ANKS1B: variants seen among roughly 807,000 people sequenced by gnomAD.
ANKS1B encodes ankyrin repeat and sterile alpha motif domain-containing protein 1B.
In ANKS1B, 36 loss-of-function variants were observed where a neutral mutation model predicts 148.3. The observed-to-expected ratio is 0.24, with a 90% CI of 0.19 to 0.32. The LOEUF is 0.32. Ranked by LOEUF, ANKS1B falls within the 10% of genes least tolerant of loss-of-function variation. The pLI is 1.00. For missense variants in ANKS1B, 1,157 were observed against 1,542.6 expected, an observed-to-expected ratio of 0.75 and a Z score of 4.19; for synonymous variants, 542 against 560.8, an observed-to-expected ratio of 0.97 and a Z score of 0.47.
At chr12:99,517,925 T>A (rs574251626) in intron 9 of ANKS1B, among the ~76,000 whole-genome samples, 2 of 152,292 alleles carry the variant, frequency 1.3e-5, no homozygotes, top group South Asian at 2.1e-4. Flanking sequence ...TTTTCTGTGA[T>A]GAAAGGATGT....
rs552027239 is a variant in ANKS1B, at chr12:99,803,931, A to T, written c.669+2473T>A. ...TCATGGATGGGAGTTATTCTTGCAA[A>T]TTTTTTGTCTCCTCCACTAAGCGTG... On this transcript the variant is annotated intron_variant, in intron 4 of 26. Coordinates refer to ENST00000683438, the MANE Select transcript of ANKS1B (RefSeq NM_001352186.2). Among the ~76,000 whole-genome samples, 49 of 152,148 alleles carry T rather than the reference A, an allele frequency of 3.2e-4. 1 individual carries two copies. The highest frequency in any genetic ancestry group is 3.4e-3 in the Middle Eastern group (1 of 294).
chr12:98,749,342 C>T (rs528296998), intron 26 of ANKS1B, among the ~76,000 whole-genome samples: 4 of 151,936 alleles, frequency 2.6e-5, no homozygotes, highest in South Asian at 2.1e-4. Context: ...CTCCTGACCT[C>T]GTGATCTGCC....
At chr12:98,757,018 C>T (rs184549040) in intron 25 of ANKS1B, among the ~76,000 whole-genome samples, 28 of 151,658 alleles carry the variant, frequency 1.8e-4, no homozygotes, top group Non-Finnish European at 2.9e-4. Flanking sequence ...CATGAGCCAC[C>T]GCACCCAGCT....
intron 17 of ANKS1B, among the ~76,000 whole-genome samples, chr12:98,975,950 G>T (rs2099894775): frequency 6.6e-6 from 1 of 152,186 alleles, no homozygotes; most frequent in African/African-American, 2.4e-5. Context: ...CAAACCACGT[G>T]CTGAGTAATC....
chr12:99,043,300 T>C (rs2099960270), intron 17 of ANKS1B, among the ~76,000 whole-genome samples: 1 of 152,250 alleles, frequency 6.6e-6, no homozygotes, highest in Admixed American at 6.5e-5. Context: ...CCCATTTTGT[T>C]AAATAGTTTT....
At chr12:98,959,283 C>A (rs1033468570) in intron 17 of ANKS1B, among the ~76,000 whole-genome samples, 1 of 152,152 alleles carries the variant, frequency 6.6e-6, no homozygotes, top group Non-Finnish European at 1.5e-5. Context: ...TAGGGCCTTC[C>A]CTTTCTCTGT....
At chr12:99,455,718 T>C (rs1221284494) in intron 10 of ANKS1B, among the ~76,000 whole-genome samples, 1 of 151,936 alleles carries the variant, frequency 6.6e-6, no homozygotes, top group Admixed American at 6.6e-5. Context: ...TATAACTCCA[T>C]TGGCCTGGGA....
At chr12:98,774,638 C>T (rs1224128939) in intron 24 of ANKS1B, among the ~76,000 whole-genome samples, 5 of 152,070 alleles carry the variant, frequency 3.3e-5, no homozygotes, top group Non-Finnish European at 5.9e-5. Flanking sequence ...TTTTTAATTG[C>T]GCTGTCTTAA....
chr12:99,578,156 A>T (rs1164529921), intron 9 of ANKS1B, among the ~76,000 whole-genome samples: 1 of 152,194 alleles, frequency 6.6e-6, no homozygotes, highest in Non-Finnish European at 1.5e-5. Context: ...AGTCTTTGAT[A>T]AAATCCAACA....
intron 10 of ANKS1B, among the ~76,000 whole-genome samples, chr12:99,477,801 A>G (rs1452802409): frequency 6.6e-6 from 1 of 152,142 alleles, no homozygotes; most frequent in African/African-American, 2.4e-5. Context: ...GCCAGGTCAT[A>G]AACAGGAATA....
chr12:99,114,855 C>A (rs1269431563), intron 15 of ANKS1B, among the ~76,000 whole-genome samples: 1 of 151,900 alleles, frequency 6.6e-6, no homozygotes, highest in Non-Finnish European at 1.5e-5. Context: ...ATACATGGAG[C>A]CAAGAATCAT....
At chr12:99,154,768 C>T (rs1439613698) in intron 14 of ANKS1B, 17 of 1,445,794 alleles carry the variant, frequency 1.2e-5, no homozygotes, top group East Asian at 9.9e-5. Flanking sequence ...GAGCAATGCA[C>T]GGCCGGCAGC....
intron 9 of ANKS1B, among the ~76,000 whole-genome samples, chr12:99,526,825 G>A (rs116946374): frequency 0.011 from 1,750 of 152,288 alleles, 20 homozygotes; most frequent in Non-Finnish European, 0.018. Flanking sequence ...CCTAACCCCA[G>A]TACATAAGAA....
intron 8 of ANKS1B, among the ~76,000 whole-genome samples, chr12:99,680,519 G>A (rs1211512791): frequency 1.3e-5 from 2 of 152,158 alleles, no homozygotes; most frequent in African/African-American, 4.8e-5. Context: ...TCTCACAGGG[G>A]TCTGTGGGAG....
intron 11 of ANKS1B, among the ~76,000 whole-genome samples, chr12:99,442,530 C>T (rs1334097760): frequency 6.6e-6 from 1 of 151,760 alleles, no homozygotes; most frequent in Non-Finnish European, 1.5e-5. Flanking sequence ...AAAGAAACTC[C>T]AAATCAGTTG....
rs760284899 is a variant in ANKS1B, at chr12:99,791,016, G to C, written c.670-8919C>G. ...GATAAAAAACAAAACCCAATGATCT[G>C]ATGCCTACAGGAAGCACATGTTACC... On this transcript the variant is annotated intron_variant, in intron 4 of 26. Transcript: ENST00000683438. Among the ~76,000 whole-genome samples the C allele has an allele frequency of 2.4e-4, 37 of 152,066 alleles. 1 individual carries two copies. Among genetic ancestry groups the C allele is most frequent in the South Asian group, 8.3e-4 (4 of 4,814 alleles).
At chr12:98,978,211 T>C (rs1436692758) in intron 17 of ANKS1B, among the ~76,000 whole-genome samples, 1 of 152,206 alleles carries the variant, frequency 6.6e-6, no homozygotes, top group Non-Finnish European at 1.5e-5. Flanking sequence ...TTGTTTTCTA[T>C]TTATCCCATT....
At chr12:99,431,111 T>C (rs575303049) in intron 11 of ANKS1B, among the ~76,000 whole-genome samples, 2 of 152,340 alleles carry the variant, frequency 1.3e-5, no homozygotes, top group African/African-American at 4.8e-5. Context: ...AATAATACTG[T>C]CTTAAAGGCG....
At chr12:99,102,300 A>C (rs7294557) in intron 15 of ANKS1B, among the ~76,000 whole-genome samples, 13,622 of 152,244 alleles carry the variant, frequency 0.089, 1,516 homozygotes, top group African/African-American at 0.26. Flanking sequence ...GTGAGACAAA[A>C]GGGGTGGAGA....
Sources: gnomAD v4.1 joint callset for allele counts (sites outside exome capture counted in the v4.1 genomes callset) on GRCh38, gnomAD v4.1.1 for gene constraint, MANE v1.5 for transcripts, NCBI Gene and HGNC (gene_info 2026-07-23, HGNC 2026-07-21) for gene names.